The following EFR3B variants were observed in gnomAD, a reference collection of about 807,000 sequenced individuals.
The protein encoded by EFR3B is EFR3 homolog B.
EFR3B carries 64 observed loss-of-function variants against 104.7 expected under a neutral mutation model. That is an observed-to-expected ratio of 0.61 (90% CI 0.50 to 0.75). The LOEUF is 0.75. Ranked by LOEUF, EFR3B falls within the 30% of genes least tolerant of loss-of-function variation. The pLI, the probability that EFR3B is intolerant of heterozygous loss-of-function variation, is 0.00. For synonymous variants in EFR3B, 385 were observed against 417.9 expected (o/e 0.92, Z 0.96); for missense variants, 750 against 1,078.5 (o/e 0.70, Z 4.27).
chr2:25,044,684 G>T (rs182314101), intron 1 of EFR3B, among the ~76,000 whole-genome samples: 2 of 152,230 alleles, frequency 1.3e-5, no homozygotes, highest in East Asian at 1.9e-4. Context: ...CCCCCCTATG[G>T]AGCCGAAAGT....
In EFR3B at chr2:25,090,783, G is replaced by A. The variant is rs184023618; in HGVS notation, c.8-542G>A. Among the ~76,000 whole-genome samples the A allele has an allele frequency of 4.9e-3, 740 of 152,292 alleles. 18 individuals are homozygous for A. Among genetic ancestry groups the A allele is most frequent in the Admixed American group, 0.043 (663 of 15,290 alleles). On this transcript the variant is annotated intron_variant, in intron 1 of 22. Transcript: ENST00000403714. ...TGGCTCCAGGAGATAGGACGATAGA[G>A]GGAGACTGAAGAGCAGGGAATAAAG...
chr2:25,135,432 A>G, intron 12 of EFR3B, 35 bp from the exon 13 acceptor site: 1 of 1,548,364 alleles, frequency 6.5e-7, no homozygotes. Flanking sequence ...GAGGGACAGC[A>G]TTCCTAGGCA....
Position 25,121,929 on chromosome 2 carries a change from G to A in EFR3B, c.485+135G>A, listed in dbSNP as rs2149200693. The A allele has an allele frequency of 4.8e-6, 6 of 1,243,910 alleles. No homozygotes were observed. The South Asian group carries it at 6.0e-5, about 12-fold the overall frequency. The allele number at this position is 1,243,910 out of a possible 1,614,324, so 77.1% of individuals were successfully genotyped here. On this transcript the variant is annotated intron_variant, in intron 5 of 22. Coordinates refer to ENST00000403714, the MANE Select transcript of EFR3B (RefSeq NM_014971.2). The stretch of plus-strand genomic sequence containing the variant: ...TGTCTGCTCTGATGTTGCCGGGCAG[G>A]TGGGCCAGCACCCAGCTCCCTACAT...
chr2:25,048,907 T>C (rs1386160048), intron 1 of EFR3B, among the ~76,000 whole-genome samples: 2 of 152,188 alleles, frequency 1.3e-5, no homozygotes, highest in Non-Finnish European at 2.9e-5. Context: ...TCTCCACACA[T>C]GGGGAGAAAA....
intron 1 of EFR3B, among the ~76,000 whole-genome samples, chr2:25,090,376 C>T (rs922072608): frequency 1.3e-5 from 2 of 152,230 alleles, no homozygotes; most frequent in African/African-American, 4.8e-5. Context: ...CTAATTAAAA[C>T]TTTTTATGGT....
At position 25,042,256 on chromosome 2, in the gene EFR3B, G is replaced by T; in HGVS notation, c.-57G>T. 7.6e-7 allele frequency: 1 copy of T among 1,308,148 alleles called. No homozygotes were observed. Among genetic ancestry groups the T allele is most frequent in the South Asian group, 2.1e-5 (1 of 47,400 alleles). The allele number at this position is 1,308,148 out of a possible 1,614,324, so 81.0% of individuals were successfully genotyped here. On this transcript the variant is annotated 5_prime_UTR_variant, in exon 1 of 23. Coordinates refer to ENST00000403714, the MANE Select transcript of EFR3B (RefSeq NM_014971.2). The surrounding 1 kb of genome is among the most constrained non-coding windows in gnomAD (Gnocchi z 5.4). ...GAATGAAAGGCGGGCGCCGCCGAGGGCTGGCTGGGAACGCCGCAGCGACGC... is the reference window on the plus strand; with the variant it reads ...GAATGAAAGGCGGGCGCCGCCGAGGTCTGGCTGGGAACGCCGCAGCGACGC...
At chr2:25,104,583 G>A (rs1669512129) in intron 4 of EFR3B, among the ~76,000 whole-genome samples, 1 of 152,152 alleles carries the variant, frequency 6.6e-6, no homozygotes. Context: ...AGAACCCAGG[G>A]CTCTCACCAC....
intron 19 of EFR3B, among the ~76,000 whole-genome samples, chr2:25,148,696 G>A (rs1056466524): frequency 4.6e-5 from 7 of 150,624 alleles, no homozygotes; most frequent in Non-Finnish European, 3.0e-5. Context: ...GCCAAGGCAG[G>A]CGGATCACGA....
chr2:25,143,584 T>G, intron 17 of EFR3B, 151 bp from the exon 18 acceptor site: 1 of 941,302 alleles, frequency 1.1e-6, no homozygotes, highest in Non-Finnish European at 1.5e-6. Context: ...CGCTTGAACC[T>G]GGAAGGCGGA....
At chr2:25,146,342 C>A (rs1055609012) in intron 19 of EFR3B, 1 of 152,154 alleles carries the variant, frequency 6.6e-6, no homozygotes, top group Non-Finnish European at 1.5e-5. Context: ...GTGCCCTCGA[C>A]CACTTCATTT....
rs375719789 is a variant in EFR3B, at chr2:25,133,475, G to A, written c.1311+41G>A. On this transcript the variant is annotated intron_variant, in intron 12 of 22. Transcript: ENST00000403714. ...CCCCATTCCTGCTCTTCCTCTGCAG[G>A]AGACAGCTCCTTCCAAGGGACCAAG... is the stretch of plus-strand genomic sequence containing the variant. 39 of 1,548,540 alleles carry A rather than the reference G, an allele frequency of 2.5e-5. 1 individual carries two copies. Among genetic ancestry groups the A allele is most frequent in the East Asian group, 2.2e-4 (9 of 40,906 alleles).
At position 25,130,504 on chromosome 2, in the gene EFR3B, C is replaced by A; in HGVS notation, c.771-48C>A. On this transcript the variant is annotated intron_variant, in intron 7 of 22. Transcript: ENST00000403714. This position sits in a 1 kb window ranked among gnomAD's most constrained non-coding sequence, Gnocchi z 4.6. ...CTCCAAGCTAATCTCTTCTCCCTAA[C>A]ACTGCCGGGAGTTTCATAGTTGTTC... 1 of 1,461,096 alleles carries A rather than the reference C, an allele frequency of 6.8e-7. No homozygotes were observed. The highest frequency in any genetic ancestry group is 9.4e-7 in the Non-Finnish European group (1 of 1,064,538). The allele number at this position is 1,461,096 out of a possible 1,614,324, so 90.5% of individuals were successfully genotyped here.
At chr2:25,112,276 G>A (rs549096651) in intron 4 of EFR3B, among the ~76,000 whole-genome samples, 1 of 152,394 alleles carries the variant, frequency 6.6e-6, no homozygotes, top group Non-Finnish European at 1.5e-5. Context: ...CAGCCAGCTG[G>A]TGTTCCCCGA....
At chr2:25,048,229 G>A (rs562584616) in intron 1 of EFR3B, among the ~76,000 whole-genome samples, 1 of 151,928 alleles carries the variant, frequency 6.6e-6, no homozygotes, top group East Asian at 2.0e-4. Flanking sequence ...GCCTAGGCTG[G>A]TCTTGATCTC....
intron 5 of EFR3B, among the ~76,000 whole-genome samples, chr2:25,123,060 A>C (rs1480240008): frequency 6.6e-6 from 1 of 152,168 alleles, no homozygotes; most frequent in Non-Finnish European, 1.5e-5. Flanking sequence ...AAAATCTCTC[A>C]AATAAAATCA....
intron 1 of EFR3B, among the ~76,000 whole-genome samples, chr2:25,052,662 C>T (rs1351850354): frequency 6.6e-6 from 1 of 152,044 alleles, no homozygotes; most frequent in African/African-American, 2.4e-5. Flanking sequence ...GCCACCATGC[C>T]CGGCTAATGT....
chr2:25,099,301 C>T (rs769997726), intron 3 of EFR3B, among the ~76,000 whole-genome samples: 3 of 151,910 alleles, frequency 2.0e-5, no homozygotes, highest in Non-Finnish European at 4.4e-5. Flanking sequence ...CTCTGAAGGG[C>T]GAGGCTGCAG....
chr2:25,109,490 G>C (rs539901770), intron 4 of EFR3B, among the ~76,000 whole-genome samples: 1 of 152,292 alleles, frequency 6.6e-6, no homozygotes, highest in African/African-American at 2.4e-5. Context: ...TCAACATATG[G>C]AATTATATGG....
In EFR3B at chr2:25,042,152, C is replaced by T. The variant is rs538028784; in HGVS notation, c.-161C>T. ...TGGGCTGGCGGCGCCCGGCTCCGTC[C>T]TGCCCGCGGCCGGCCCCCGCGTCTG... On this transcript the variant is annotated 5_prime_UTR_variant, in exon 1 of 23. Transcript: ENST00000403714. This position sits in a 1 kb window ranked among gnomAD's most constrained non-coding sequence, Gnocchi z 5.4. 3.8e-5 allele frequency: 24 copies of T among 634,026 alleles called. No homozygotes were observed. The South Asian group carries it at 1.6e-3, about 42-fold the overall frequency. 39.3% of individuals were successfully genotyped at this position (634,026 alleles called of 1,614,324 possible). A position where few individuals can be genotyped will look rare whatever the true frequency, so the allele number is the denominator to read the frequency against.
Sources: gnomAD v4.1 joint callset for allele counts (sites outside exome capture counted in the v4.1 genomes callset) on GRCh38, gnomAD v4.1.1 for gene constraint, Gnocchi (gnomAD v3.1) non-coding constraint, MANE v1.5 for transcripts, NCBI Gene and HGNC (gene_info 2026-07-23, HGNC 2026-07-21) for gene names.